The following RERE variants were observed in gnomAD, a reference collection of about 807,000 sequenced individuals.
RERE encodes arginine-glutamic acid dipeptide repeats protein.
A neutral mutation model predicts 146.1 loss-of-function variants in RERE; 40 were observed. The observed-to-expected ratio is 0.27, with a 90% confidence interval of 0.21 to 0.36. The LOEUF is 0.36. Ranked by LOEUF, RERE falls within the 10% of genes least tolerant of loss-of-function variation. The pLI is 1.00. For synonymous variants in RERE, 1,003 were observed against 866.0 expected (o/e 1.16, Z -2.78); for missense variants, 1,933 against 2,138.7 (o/e 0.90, Z 1.90).
intron 7 of RERE, among the ~76,000 whole-genome samples, chr1:8,516,173 C>T (rs1409051601): frequency 3.8e-5 from 5 of 132,970 alleles, no homozygotes; most frequent in African/African-American, 1.5e-4. Context: ...TGCAGAGAGC[C>T]GAGATCCCGC....
chr1:8,668,721 A>G (rs1638633287), intron 1 of RERE, among the ~76,000 whole-genome samples: 1 of 152,214 alleles, frequency 6.6e-6, no homozygotes, highest in Non-Finnish European at 1.5e-5. Context: ...ATTAGATACT[A>G]TATGATTCCA....
At chr1:8,395,244 G>A (rs1643016377) in intron 12 of RERE, among the ~76,000 whole-genome samples, 1 of 152,148 alleles carries the variant, frequency 6.6e-6, no homozygotes, top group African/African-American at 2.4e-5. Context: ...GGGAAGCCGA[G>A]GCGGGTGGAT....
In RERE at chr1:8,354,976, A is replaced by C; in HGVS notation, c.*111T>G. On this transcript the variant is annotated 3_prime_UTR_variant, in exon 23 of 23. Transcript: ENST00000400908. ...TTGTGGGTTTTTAAATATATAAAGA[A>C]ATCTTTAGAAGATATTCTTTTTGCT... The C allele has an allele frequency of 2.3e-6, 2 of 855,512 alleles. No homozygotes were observed. Among genetic ancestry groups the C allele is most frequent in the Non-Finnish European group, 3.7e-6 (2 of 536,498 alleles). 53.0% of individuals were successfully genotyped at this position (855,512 alleles called of 1,614,324 possible).
At chr1:8,476,910 A>T (rs1644764110) in intron 10 of RERE, among the ~76,000 whole-genome samples, 1 of 152,228 alleles carries the variant, frequency 6.6e-6, no homozygotes, top group African/African-American at 2.4e-5. Context: ...TTCTTCTAAA[A>T]AGGAATAAAC....
chr1:8,636,336 G>C (rs1284516641), intron 2 of RERE, among the ~76,000 whole-genome samples: 1 of 152,042 alleles, frequency 6.6e-6, no homozygotes, highest in Non-Finnish European at 1.5e-5. Context: ...TCTGAAACAG[G>C]GACTGCTAGC....
At chr1:8,499,230 T>G (rs2124251895) in intron 8 of RERE, among the ~76,000 whole-genome samples, 1 of 152,344 alleles carries the variant, frequency 6.6e-6, no homozygotes, top group Admixed American at 6.5e-5. Flanking sequence ...GCAAACAATT[T>G]AAGTGAATGC....
At chr1:8,709,611 TTA>T (rs1639627515) in intron 1 of RERE, among the ~76,000 whole-genome samples, 1 of 152,196 alleles carries the variant, frequency 6.6e-6, no homozygotes, top group Admixed American at 6.5e-5. Context: ...ATCCCACTAT[TTA>T]TGTTATACAG....
At chr1:8,467,069 G>A (rs148908415) in intron 10 of RERE, among the ~76,000 whole-genome samples, 1 of 152,128 alleles carries the variant, frequency 6.6e-6, no homozygotes, top group Non-Finnish European at 1.5e-5. Context: ...ACAGTCCATA[G>A]TATAAGGTAA....
intron 1 of RERE, among the ~76,000 whole-genome samples, chr1:8,712,318 AAAC>A (rs962212978): frequency 6.6e-5 from 10 of 152,364 alleles, no homozygotes; most frequent in African/African-American, 1.9e-4. Flanking sequence ...GGGCTGCAGG[AAAC>A]AACAACTGAG....
At chr1:8,612,738 A>G (rs1646806982) in intron 4 of RERE, among the ~76,000 whole-genome samples, 1 of 152,352 alleles carries the variant, frequency 6.6e-6, no homozygotes, top group South Asian at 2.1e-4. Context: ...CTTTTTAGAT[A>G]TATGTGGAAA....
intron 1 of RERE, among the ~76,000 whole-genome samples, chr1:8,737,946 A>G (rs1640233228): frequency 6.6e-6 from 1 of 152,202 alleles, no homozygotes; most frequent in Non-Finnish European, 1.5e-5. Context: ...AAACTCACTA[A>G]ATAAATTATA....
At chr1:8,497,304 C>A in intron 9 of RERE, 101 bp downstream of exon 9, 1 of 1,309,532 alleles carries the variant, frequency 7.6e-7, no homozygotes, top group South Asian at 1.4e-5. Context: ...AGAGAACGCC[C>A]AATATAGAAA....
intron 7 of RERE, chr1:8,525,769 TGAATGGATC>T: frequency 6.2e-7 from 1 of 1,600,374 alleles, no homozygotes; most frequent in Non-Finnish European, 8.5e-7. Flanking sequence ...CTGCAGGGGC[TGAATGGATC>T]ATCCATGACT....
chr1:8,412,226 C>T (rs997255104), intron 12 of RERE, among the ~76,000 whole-genome samples: 4 of 152,234 alleles, frequency 2.6e-5, no homozygotes, highest in African/African-American at 9.6e-5. Flanking sequence ...ATGGCAGCAG[C>T]TGCAAATACA....
chr1:8,758,142 G>C (rs1640681997), intron 1 of RERE, among the ~76,000 whole-genome samples: 1 of 151,788 alleles, frequency 6.6e-6, no homozygotes, highest in Admixed American at 6.6e-5. Context: ...CTGGAGTGCA[G>C]TGGCATGATC....
At chr1:8,439,440 C>A (rs1399899813) in intron 11 of RERE, among the ~76,000 whole-genome samples, 2 of 152,168 alleles carry the variant, frequency 1.3e-5, no homozygotes, top group East Asian at 3.8e-4. Flanking sequence ...GTGGAGGAAT[C>A]AACTGCCTAA....
chr1:8,380,340 CTTTTT>C lies in RERE; in HGVS notation c.1285-14371_1285-14367del, dbSNP rs34580017. On this transcript the variant is annotated intron_variant, in intron 12 of 22. Coordinates refer to ENST00000400908, the MANE Select transcript of RERE (RefSeq NM_001042681.2). ...GACACAACTCCCAAAAGTCAACAGG[CTTTTT>C]TTTTTTTTTTTTAAACGAAACAAAA... 4.1e-3 allele frequency among the ~76,000 whole-genome samples: 578 copies of C among 142,296 alleles called. 5 individuals carry two copies. The highest frequency in any genetic ancestry group is 0.015 in the African/African-American group (559 of 38,262). 93.4% of individuals were successfully genotyped at this position (142,296 alleles called of 152,430 possible).
intron 4 of RERE, among the ~76,000 whole-genome samples, chr1:8,584,191 A>G (rs1206038238): frequency 6.6e-6 from 1 of 152,174 alleles, no homozygotes; most frequent in African/African-American, 2.4e-5. Flanking sequence ...AAGAGAAGTC[A>G]GAAAGAAATA....
rs113382737 is a variant in RERE, at chr1:8,401,893, G to A, written c.1284+20834C>T. On this transcript the variant is annotated intron_variant, in intron 12 of 22. Transcript: ENST00000400908. ...TTTTATTTTATTTTTTTGAGACAGA[G>A]TCTTGCTCTGTCGCCAGGCTGGAGT... Among the ~76,000 whole-genome samples the A allele has an allele frequency of 1.2e-3, 184 of 152,096 alleles. 1 individual carries two copies. Among genetic ancestry groups the A allele is most frequent in the African/African-American group, 4.0e-3 (164 of 41,504 alleles).
Sources: allele counts gnomAD v4.1 joint callset (sites outside exome capture counted in the v4.1 genomes callset), GRCh38; gene constraint gnomAD v4.1.1; transcripts MANE v1.5; gene names NCBI Gene and HGNC (gene_info 2026-07-23, HGNC 2026-07-21).